Variants in MEI4 observed in about 807,000 individuals in gnomAD.
The protein encoded by MEI4 is meiosis-specific protein MEI4.
Under a neutral mutation model 31.4 loss-of-function variants are expected in MEI4, and 27 were observed. The observed-to-expected ratio is 0.86, with a 90% CI of 0.63 to 1.19. The LOEUF (loss-of-function observed/expected upper bound fraction) is 1.19, where lower values mean the gene tolerates loss of function less well. Ranked by LOEUF, MEI4 falls within the 50% of genes most tolerant of loss-of-function variation. MEI4 has a pLI of 0.00. For missense variants in MEI4, 329 were observed against 398.9 expected (o/e 0.82, Z 1.49); for synonymous variants, 122 against 145.4 (o/e 0.84, Z 1.16).
intron 4 of MEI4, among the ~76,000 whole-genome samples, chr6:77,832,082 C>T (rs1279565366): frequency 1.3e-5 from 2 of 151,862 alleles, no homozygotes; most frequent in African/African-American, 2.4e-5. Flanking sequence ...TCAAAATATC[C>T]ATTTAAATTC....
At chr6:77,885,828 T>C (rs1186308143) in intron 4 of MEI4, among the ~76,000 whole-genome samples, 1 of 152,208 alleles carries the variant, frequency 6.6e-6, no homozygotes, top group Non-Finnish European at 1.5e-5. Context: ...TTTATTATAT[T>C]GAGGTATGTT....
intron 4 of MEI4, among the ~76,000 whole-genome samples, chr6:77,849,117 G>A (rs1204432897): frequency 6.6e-6 from 1 of 152,090 alleles, no homozygotes; most frequent in Non-Finnish European, 1.5e-5. Flanking sequence ...TCAGGAAAGA[G>A]TTATTTCTGT....
intron 4 of MEI4, among the ~76,000 whole-genome samples, chr6:77,912,245 G>A (rs996581334): frequency 9.9e-5 from 15 of 152,094 alleles, no homozygotes; most frequent in African/African-American, 2.6e-4. Flanking sequence ...AATATATTTT[G>A]AAGTCAGGTA....
chr6:77,808,958 C>T (rs1025252964), intron 3 of MEI4, among the ~76,000 whole-genome samples: 2 of 152,134 alleles, frequency 1.3e-5, no homozygotes, highest in East Asian at 1.9e-4. Context: ...CTTTGGGTGA[C>T]GTGGCTCTCT....
upstream of MEI4, among the ~76,000 whole-genome samples, chr6:77,652,692 C>T (rs942651951): frequency 6.6e-6 from 1 of 152,022 alleles, no homozygotes; most frequent in Non-Finnish European, 1.5e-5. Context: ...CCTTATGTGC[C>T]AGCAGAGTGC....
chr6:77,811,211 G>A (rs1769568466), intron 3 of MEI4, among the ~76,000 whole-genome samples: 1 of 152,146 alleles, frequency 6.6e-6, no homozygotes, highest in Non-Finnish European at 1.5e-5. Context: ...AAAGGTCTTG[G>A]TTTGAGTCCT....
chr6:77,704,783 C>T (rs1345009085), intron 2 of MEI4, among the ~76,000 whole-genome samples: 1 of 152,094 alleles, frequency 6.6e-6, no homozygotes, highest in Admixed American at 6.5e-5. Context: ...ATTCAAAACA[C>T]CTGAGTGTTT....
intron 2 of MEI4, among the ~76,000 whole-genome samples, chr6:77,756,498 GTTAT>G (rs2127680430): frequency 6.6e-6 from 1 of 152,020 alleles, no homozygotes; most frequent in African/African-American, 2.4e-5. Context: ...GGTTATAAAA[GTTAT>G]TAATAGTAGA....
At chr6:77,733,679 A>G (rs60873173) in intron 2 of MEI4, among the ~76,000 whole-genome samples, 6,283 of 151,416 alleles carry the variant, frequency 0.041, 483 homozygotes, top group African/African-American at 0.14. Flanking sequence ...GCTTTTGAAT[A>G]CGTTTGCTCT....
At chr6:77,791,292 C>T (rs1768922312) in intron 3 of MEI4, among the ~76,000 whole-genome samples, 1 of 152,026 alleles carries the variant, frequency 6.6e-6, no homozygotes, top group Non-Finnish European at 1.5e-5. Context: ...AAATCTCCAA[C>T]AATGATAGAC....
chr6:77,896,128 T>G (rs1248108246), intron 4 of MEI4, among the ~76,000 whole-genome samples: 1 of 151,742 alleles, frequency 6.6e-6, no homozygotes, highest in Non-Finnish European at 1.5e-5. Flanking sequence ...GTAGTGCAGC[T>G]GCAAGGTACA....
rs1769145104 is a variant in MEI4 at position 77,690,858 on chromosome 6, C to G, written c.187C>G (p.Gln63Glu). The change falls in exon 2 of 5, where the codon CAA (glutamine) becomes GAA (glutamate). Residue 63 changes from glutamine to glutamate, a missense_variant. Transcript: ENST00000684080. ...GGAAGCTGAAGTTATGCAATTACGT[C>G]AAAAACTTCTTGTGAGCAGGCTTTG... ...ILEAEVMQLR[Q>E]KLLVSRLCSG... The G allele has an allele frequency of 8.1e-7, 1 of 1,231,180 alleles. No homozygotes were observed. The highest frequency in any genetic ancestry group is 4.2e-5 in the Admixed American group (1 of 23,652). 76.3% of individuals were successfully genotyped at this position (1,231,180 alleles called of 1,614,324 possible).
chr6:77,792,427 T>C (rs1237879581), intron 3 of MEI4, among the ~76,000 whole-genome samples: 1 of 152,204 alleles, frequency 6.6e-6, no homozygotes, highest in Non-Finnish European at 1.5e-5. Flanking sequence ...ACACCAGCAG[T>C]GTACAAGGGT....
chr6:77,735,926 G>A (rs1359668343), intron 2 of MEI4, among the ~76,000 whole-genome samples: 1 of 151,426 alleles, frequency 6.6e-6, no homozygotes, highest in Non-Finnish European at 1.5e-5. Flanking sequence ...GCTGGGGGAT[G>A]CCTCCCAGTT....
intron 2 of MEI4, among the ~76,000 whole-genome samples, chr6:77,743,752 G>A (rs952166638): frequency 1.3e-5 from 2 of 152,122 alleles, no homozygotes; most frequent in African/African-American, 4.8e-5. Context: ...ACATGGCCAG[G>A]TACTCCTCTG....
intron 4 of MEI4, among the ~76,000 whole-genome samples, chr6:77,921,050 A>G (rs182158607): frequency 2.2e-3 from 337 of 151,954 alleles, no homozygotes; most frequent in African/African-American, 7.3e-3. Flanking sequence ...AAGTCAGCCA[A>G]TCCTTTGAAG....
At chr6:77,807,082 C>A (rs1267924612) in intron 3 of MEI4, among the ~76,000 whole-genome samples, 1 of 150,812 alleles carries the variant, frequency 6.6e-6, no homozygotes, top group Non-Finnish European at 1.5e-5. Context: ...CTAGCTTTGG[C>A]AGCCCTGAGA....
At chr6:77,698,884 C>A (rs1408226521) in intron 2 of MEI4, among the ~76,000 whole-genome samples, 1 of 152,200 alleles carries the variant, frequency 6.6e-6, no homozygotes, top group East Asian at 1.9e-4. Flanking sequence ...GTTCCATTCT[C>A]CCGGTCACTT....
At chr6:77,743,688 C>T (rs976766632) in intron 2 of MEI4, among the ~76,000 whole-genome samples, 4 of 151,888 alleles carry the variant, frequency 2.6e-5, no homozygotes, top group Admixed American at 2.6e-4. Context: ...TGACCCCTGA[C>T]CCCCGAGCAG....
Sources: gnomAD v4.1 joint callset for allele counts (sites outside exome capture counted in the v4.1 genomes callset) on GRCh38, gnomAD v4.1.1 for gene constraint, MANE v1.5 for transcripts, NCBI Gene and HGNC (gene_info 2026-07-23, HGNC 2026-07-21) for gene names.